The following ATIC variants were observed in gnomAD, a reference collection of about 807,000 sequenced individuals.
The protein encoded by ATIC is 5-aminoimidazole-4-carboxamide ribonucleotide formyltransferase/IMP cyclohydrolase.
Under a neutral mutation model 72.5 loss-of-function variants are expected in ATIC, and 64 were observed. The ratio of observed to expected loss-of-function variants is 0.88; its 90% CI spans 0.72 to 1.09. ATIC has a LOEUF of 1.09. Ranked by LOEUF, ATIC falls within the 50% of genes least tolerant of loss-of-function variation. ATIC has a pLI of 0.00. For missense variants in ATIC, 787 were observed against 732.4 expected, an observed-to-expected ratio of 1.07 and a Z score of -0.86; for synonymous variants, 281 against 267.1, an observed-to-expected ratio of 1.05 and a Z score of -0.51.
In ATIC at chr2:215,336,046, T is replaced by C. The variant is rs769291860; in HGVS notation, c.1020T>C (p.Gly340=). 3.1e-6 allele frequency: 5 copies of C among 1,610,362 alleles called. No homozygotes were observed. Among genetic ancestry groups the C allele is most frequent in the South Asian group, 1.1e-5 (1 of 90,182 alleles). Residue 340 remains glycine (G), a synonymous_variant, in exon 11 of 16, where the codon GGT becomes GGC. Transcript: ENST00000236959. The part of the protein sequence containing the change: ...AKIISREVSD[G]IIAPGYEEEA... ...TAATATTTTTGCAGGTATCTGATGG[T>C]ATAATTGCCCCAGGATATGAAGAAG...
At chr2:215,346,024 T>C (rs1410506217) in intron 13 of ATIC, among the ~76,000 whole-genome samples, 1 of 152,240 alleles carries the variant, frequency 6.6e-6, no homozygotes, top group Non-Finnish European at 1.5e-5. Flanking sequence ...CGGAATTGTT[T>C]CTACTTTTAG....
At position 215,318,263 on chromosome 2, in the gene ATIC, C is replaced by T. The variant is rs781568379; in HGVS notation, c.223+30C>T. The T allele has an allele frequency of 2.8e-5, 44 of 1,581,636 alleles. No individual in the cohort carries two copies. The East Asian group carries it at 8.1e-4, about 29-fold the overall frequency. On this transcript the variant is annotated intron_variant, in intron 3 of 15. Coordinates refer to ENST00000236959, the MANE Select transcript of ATIC (RefSeq NM_004044.7). ...GTGGTTGGTATCTTTAATGTAAAAACAGTCAGTGGTTTCCAGGAATATTTT... is the reference window on the plus strand; with the variant it reads ...GTGGTTGGTATCTTTAATGTAAAAATAGTCAGTGGTTTCCAGGAATATTTT...
intron 3 of ATIC, among the ~76,000 whole-genome samples, chr2:215,319,264 G>T (rs1289237175): frequency 2.0e-5 from 3 of 152,092 alleles, no homozygotes; most frequent in Non-Finnish European, 2.9e-5. Context: ...TATTATGCTG[G>T]GCATGGTGGC....
chr2:215,332,666 T>TACAC (rs553998884), intron 8 of ATIC, among the ~76,000 whole-genome samples, 159 bp downstream of exon 8: 1 of 151,716 alleles, frequency 6.6e-6, no homozygotes, highest in Admixed American at 6.6e-5. Flanking sequence ...TAAAATCTGA[T>TACAC]ACACACACAC....
downstream of ATIC, among the ~76,000 whole-genome samples, chr2:215,351,514 C>A (rs1342066229): frequency 6.6e-6 from 1 of 152,098 alleles, no homozygotes; most frequent in Non-Finnish European, 1.5e-5. Flanking sequence ...ATAATCCCAG[C>A]ACTTTGGGAG....
chr2:215,348,966 A>AAAT (rs112572552), intron 14 of ATIC, 128 bp from the exon 15 acceptor site: 446 of 681,226 alleles, frequency 6.5e-4, no homozygotes, highest in Middle Eastern at 2.5e-3. Context: ...AAAAAAAAAA[A>AAAT]AATAATAATA....
At chr2:215,367,481 C>T in the ATIC span, among the ~76,000 whole-genome samples, 1 of 152,126 alleles carries the variant, frequency 6.6e-6, no homozygotes, top group African/African-American at 2.4e-5. Context: ...AAATGTTCAC[C>T]TCTGATCTCA....
At chr2:215,353,082 A>G (rs2053142745), downstream of ATIC, among the ~76,000 whole-genome samples, 1 of 152,124 alleles carries the variant, frequency 6.6e-6, no homozygotes, top group African/African-American at 2.4e-5. Flanking sequence ...CTTCCTATAT[A>G]TTTGAGGTTA....
At chr2:215,346,151 T>G (rs889500120) in intron 13 of ATIC, among the ~76,000 whole-genome samples, 2 of 83,784 alleles carry the variant, frequency 2.4e-5, no homozygotes, top group African/African-American at 6.2e-5. Flanking sequence ...GGTCATTAGT[T>G]TTATTTATTT....
chr2:215,333,246 A>T, intron 8 of ATIC, 104 bp from the exon 9 acceptor site: 1 of 917,488 alleles, frequency 1.1e-6, no homozygotes, highest in East Asian at 2.5e-5. Flanking sequence ...GGCACTAGAA[A>T]ATGTGCTGCG....
chr2:215,328,606 C>T (rs56296252), intron 7 of ATIC, among the ~76,000 whole-genome samples: 20,216 of 152,162 alleles, frequency 0.13, 1,708 homozygotes, highest in South Asian at 0.22. Flanking sequence ...CTTCCTTGAC[C>T]GCTTAGACCA....
At chr2:215,366,728 A>C in the ATIC span, among the ~76,000 whole-genome samples, 1 of 152,236 alleles carries the variant, frequency 6.6e-6, no homozygotes, top group Non-Finnish European at 1.5e-5. Context: ...CAAAACAAAG[A>C]TTATGTAAGT....
the ATIC span, among the ~76,000 whole-genome samples, chr2:215,368,524 C>T: frequency 6.6e-6 from 1 of 152,112 alleles, no homozygotes; most frequent in Non-Finnish European, 1.5e-5. Context: ...AAACATTGAC[C>T]CTTTTCCAAG....
intron 9 of ATIC, among the ~76,000 whole-genome samples, chr2:215,334,319 G>T (rs2052931593): frequency 6.7e-6 from 1 of 149,730 alleles, no homozygotes; most frequent in African/African-American, 2.5e-5. Context: ...TCAGCGTCCT[G>T]AGTAGCTGGG....
intron 2 of ATIC, among the ~76,000 whole-genome samples, chr2:215,313,811 G>A (rs1003651111): frequency 5.9e-5 from 9 of 152,044 alleles, no homozygotes; most frequent in African/African-American, 1.2e-4. Context: ...GTCTTTTTGC[G>A]TCTTGTCTCT....
chr2:215,345,971 A>G (rs955917016), intron 13 of ATIC, among the ~76,000 whole-genome samples: 1 of 152,080 alleles, frequency 6.6e-6, no homozygotes, highest in African/African-American at 2.4e-5. Flanking sequence ...TTAGAATTCA[A>G]CCCATAGAAA....
chr2:215,326,469 G>A (rs369188340), intron 6 of ATIC, among the ~76,000 whole-genome samples: 1 of 152,140 alleles, frequency 6.6e-6, no homozygotes, highest in South Asian at 2.1e-4. Context: ...GCCGAGTGTG[G>A]TGTGGTGTGG....
chr2:215,347,667 G>A (rs2106044944), intron 14 of ATIC: 1 of 486,604 alleles, frequency 2.1e-6, no homozygotes, highest in Non-Finnish European at 4.1e-6. Flanking sequence ...GCTGCAGAAT[G>A]TAACTGAAGT....
intron 8 of ATIC, among the ~76,000 whole-genome samples, chr2:215,332,979 G>A (rs10203444): frequency 0.24 from 36,442 of 151,990 alleles, 4,920 homozygotes; most frequent in Non-Finnish European, 0.3. Flanking sequence ...GTTCTCAGGT[G>A]TTTATTGGGT....
Sources: allele counts gnomAD v4.1 joint callset (sites outside exome capture counted in the v4.1 genomes callset), GRCh38; gene constraint gnomAD v4.1.1; transcripts MANE v1.5; gene names NCBI Gene and HGNC (gene_info 2026-07-23, HGNC 2026-07-21).